The following ZNF33A variants were observed in gnomAD, a reference collection of about 807,000 sequenced individuals.
The protein encoded by ZNF33A is zinc finger protein 33A.
Under a neutral mutation model 15.9 loss-of-function variants are expected in ZNF33A, and 9 were observed. The ratio of observed to expected loss-of-function variants is 0.57; its 90% CI spans 0.34 to 0.99. The LOEUF is 0.99. Among genes scored for constraint, ZNF33A ranks in the 50% least tolerant of loss-of-function variants. ZNF33A has a pLI of 0.02. For synonymous variants in ZNF33A, 294 were observed against 324.2 expected (o/e 0.91, Z 1.00); for missense variants, 843 against 941.6 (o/e 0.90, Z 1.37).
chr10:38,030,852 C>T (rs1293302360), intron 4 of ZNF33A, among the ~76,000 whole-genome samples: 2 of 152,160 alleles, frequency 1.3e-5, no homozygotes, highest in African/African-American at 2.4e-5. Flanking sequence ...AATCTATTAG[C>T]AGCCAATTAC....
intron 2 of ZNF33A, chr10:38,015,991 T>C (rs553078750): frequency 8.1e-7 from 1 of 1,231,606 alleles, no homozygotes; most frequent in South Asian, 4.1e-5. Context: ...AGATGTGCCC[T>C]AGAGGATATC....
At chr10:38,024,059 G>A (rs2064868645) in intron 4 of ZNF33A, among the ~76,000 whole-genome samples, 2 of 150,694 alleles carry the variant, frequency 1.3e-5, no homozygotes, top group Admixed American at 6.7e-5. Context: ...GTGGGAGGCA[G>A]GAGAATTGCT....
chr10:38,060,343 A>T (rs1172761985), downstream of ZNF33A, among the ~76,000 whole-genome samples: 3 of 152,134 alleles, frequency 2.0e-5, no homozygotes, highest in Admixed American at 2.0e-4. Flanking sequence ...GGCCAGGCAC[A>T]ATTCCTGCTT....
chr10:38,055,282 A>T lies in ZNF33A; in HGVS notation c.1158A>T (p.Glu386Asp). 6.2e-7 allele frequency: 1 copy of T among 1,614,138 alleles called. No homozygotes were observed. The highest frequency in any genetic ancestry group is 8.5e-7 in the Non-Finnish European group (1 of 1,179,998). ...QRSHTGEKPF[E>D]CNECGKAFSH... ...CACACACAGGGGAGAAACCTTTTGA[A>T]TGCAATGAATGTGGGAAAGCCTTTA... The change falls in exon 5 of 5, where the codon GAA (glutamate) becomes GAT (aspartate). Residue 386 changes from glutamate to aspartate, a missense_variant. Coordinates refer to ENST00000432900, the MANE Select transcript of ZNF33A (RefSeq NM_006954.2).
chr10:38,013,146 C>G (rs2064274477), intron 2 of ZNF33A, among the ~76,000 whole-genome samples: 1 of 151,752 alleles, frequency 6.6e-6, no homozygotes, highest in East Asian at 1.9e-4. Flanking sequence ...GAATCTTGCT[C>G]TCTTGCCATT....
At chr10:38,018,984 T>C (rs922339395) in intron 4 of ZNF33A, among the ~76,000 whole-genome samples, 1 of 151,948 alleles carries the variant, frequency 6.6e-6, no homozygotes, top group Non-Finnish European at 1.5e-5. Flanking sequence ...TTTATTTTAT[T>C]TTATTTTATT....
intron 4 of ZNF33A, among the ~76,000 whole-genome samples, chr10:38,017,947 A>T (rs183831229): frequency 6.6e-6 from 1 of 152,076 alleles, no homozygotes; most frequent in Non-Finnish European, 1.5e-5. Flanking sequence ...ATACTAAATT[A>T]GCTGGGTGTG....
chr10:38,011,288 G>T (rs2064172263), intron 1 of ZNF33A, among the ~76,000 whole-genome samples: 1 of 152,186 alleles, frequency 6.6e-6, no homozygotes, highest in Non-Finnish European at 1.5e-5. Context: ...AGATCTTCAA[G>T]AATTACCTAA....
At chr10:38,045,759 A>G (rs1247606329) in intron 4 of ZNF33A, among the ~76,000 whole-genome samples, 3 of 152,108 alleles carry the variant, frequency 2.0e-5, no homozygotes, top group Non-Finnish European at 2.9e-5. Context: ...TTAATTGGTT[A>G]TCATTGAATT....
chr10:38,025,903 C>T (rs957185581), intron 4 of ZNF33A, among the ~76,000 whole-genome samples: 23 of 152,134 alleles, frequency 1.5e-4, no homozygotes, highest in African/African-American at 5.6e-4. Context: ...CAAACAGAAA[C>T]CCTATTGCTA....
In ZNF33A at chr10:38,033,432, T is replaced by TC. The variant is rs1235015418; in HGVS notation, c.250+16047dup. 8.5e-5 allele frequency among the ~76,000 whole-genome samples: 13 copies of TC among 152,328 alleles called. No individual in the cohort carries two copies. The East Asian group carries it at 2.3e-3, about 27-fold the overall frequency. On this transcript the variant is annotated intron_variant, in intron 4 of 4. Coordinates refer to ENST00000432900, the MANE Select transcript of ZNF33A (RefSeq NM_006954.2). ...GCTGTAATTGTTCACGTATAAGTTT[T>TC]CACATGGACATGTATTTTCAGTCAT...
intron 4 of ZNF33A, among the ~76,000 whole-genome samples, chr10:38,040,477 C>T (rs1419031387): frequency 2.0e-5 from 3 of 152,094 alleles, no homozygotes; most frequent in East Asian, 1.9e-4. Flanking sequence ...CTTTGAGGCT[C>T]TGTTAGTAGT....
At chr10:38,065,237 A>G (rs2066699184), downstream of ZNF33A, 1 of 152,076 alleles carries the variant, frequency 6.6e-6, no homozygotes, top group Non-Finnish European at 1.5e-5. Context: ...TGCCCTGGCT[A>G]ATTTTTGTAT....
chr10:38,015,460 A>G (rs890209299), intron 2 of ZNF33A, among the ~76,000 whole-genome samples: 1 of 152,030 alleles, frequency 6.6e-6, no homozygotes, highest in Non-Finnish European at 1.5e-5. Context: ...CTGGGATTAC[A>G]GACACCCGCC....
At chr10:38,061,101 A>G (rs2066649711), downstream of ZNF33A, among the ~76,000 whole-genome samples, 1 of 152,096 alleles carries the variant, frequency 6.6e-6, no homozygotes, top group Non-Finnish European at 1.5e-5. Context: ...TCTGATTATC[A>G]TCACTGGCTG....
intron 4 of ZNF33A, among the ~76,000 whole-genome samples, chr10:38,035,716 AATGGGTAATTCCT>A (rs963037355): frequency 1.3e-5 from 2 of 152,202 alleles, no homozygotes; most frequent in Non-Finnish European, 2.9e-5. Context: ...ACTTCGGTGC[AATGGGTAATTCCT>A]TGAAATACAC....
intron 4 of ZNF33A, among the ~76,000 whole-genome samples, chr10:38,034,853 G>GT (rs1389619157): frequency 1.3e-5 from 2 of 152,184 alleles, no homozygotes; most frequent in African/African-American, 4.8e-5. Flanking sequence ...GGCTAATGGT[G>GT]TGCTTGCAGC....
In ZNF33A at chr10:38,054,900, G is replaced by A; in HGVS notation, c.776G>A (p.Ser259Asn). The A allele has an allele frequency of 1.2e-6, 2 of 1,613,818 alleles. No individual in the cohort carries two copies. Among genetic ancestry groups the A allele is most frequent in the Non-Finnish European group, 1.7e-6 (2 of 1,179,976 alleles). Residue 259 changes from serine (S) to asparagine (N), a missense_variant, in exon 5 of 5, where the codon AGT becomes AAT. Ser to Asn is a conservative substitution (Grantham distance 46). Coordinates refer to ENST00000432900, the MANE Select transcript of ZNF33A (RefSeq NM_006954.2). Reference sequence around the variant, plus strand: ...GAATTTGGGAGAACTTTGTGTGATAGTTCATCCCTCTTGTTCCATCAGATA... The same window carrying A: ...GAATTTGGGAGAACTTTGTGTGATAATTCATCCCTCTTGTTCCATCAGATA... The part of the protein sequence containing the change: ...YNEFGRTLCD[S>N]SSLLFHQISP...
chr10:38,017,504 C>G lies in ZNF33A; in HGVS notation c.250+118C>G, dbSNP rs531622920. On this transcript the variant is annotated intron_variant, in intron 4 of 4. Coordinates refer to ENST00000432900, the MANE Select transcript of ZNF33A (RefSeq NM_006954.2). ...AGAACATCTCCATAGGGATCCTAACCTCTGGAAGTGATGGAGAATATTGAT... is the reference window on the plus strand; with the variant it reads ...AGAACATCTCCATAGGGATCCTAACGTCTGGAAGTGATGGAGAATATTGAT... The G allele has an allele frequency of 1.0e-4, 70 of 669,882 alleles. No individual in the cohort carries two copies. In the African/African-American group the frequency reaches 1.1e-3, roughly 11 times the overall value. 41.5% of individuals were successfully genotyped at this position (669,882 alleles called of 1,614,324 possible). A position where few individuals can be genotyped will look rare whatever the true frequency, so the allele number is the denominator to read the frequency against.
Sources: allele counts gnomAD v4.1 joint callset (sites outside exome capture counted in the v4.1 genomes callset), GRCh38; gene constraint gnomAD v4.1.1; transcripts MANE v1.5; gene names NCBI Gene and HGNC (gene_info 2026-07-23, HGNC 2026-07-21).